Variants in CLSTN2 observed in about 807,000 individuals in gnomAD.
CLSTN2 encodes calsyntenin-2.
Under a neutral mutation model 101.2 loss-of-function variants are expected in CLSTN2, and 48 were observed. The ratio of observed to expected loss-of-function variants is 0.47; its 90% CI spans 0.38 to 0.60. The LOEUF (loss-of-function observed/expected upper bound fraction) is 0.60. Among genes scored for constraint, CLSTN2 ranks in the 20% least tolerant of loss-of-function variants. The probability of loss-of-function intolerance (pLI) is 0.00; values close to 1 mark genes in which losing one functional copy is unlikely to be tolerated. For missense variants in CLSTN2, 1,160 were observed against 1,238.2 expected, an observed-to-expected ratio of 0.94 and a Z score of 0.95; for synonymous variants, 481 against 463.6, an observed-to-expected ratio of 1.04 and a Z score of -0.48.
intron 1 of CLSTN2, among the ~76,000 whole-genome samples, chr3:140,172,285 T>C (rs2010251026): frequency 6.6e-6 from 1 of 152,022 alleles, no homozygotes; most frequent in Non-Finnish European, 1.5e-5. Flanking sequence ...GTAATCAGAT[T>C]AATGTTTTAG....
intron 2 of CLSTN2, among the ~76,000 whole-genome samples, chr3:140,358,531 C>T (rs942041790): frequency 1.3e-5 from 2 of 152,058 alleles, no homozygotes; most frequent in African/African-American, 2.4e-5. Flanking sequence ...ATCAGAAATG[C>T]CTTTCAGCCA....
At chr3:140,020,754 T>G (rs2007297411) in intron 1 of CLSTN2, among the ~76,000 whole-genome samples, 1 of 152,188 alleles carries the variant, frequency 6.6e-6, no homozygotes, top group Non-Finnish European at 1.5e-5. Flanking sequence ...TCTGGGCACA[T>G]TATCTAAATT....
chr3:140,280,847 T>A (rs2086839042), intron 2 of CLSTN2, among the ~76,000 whole-genome samples: 1 of 152,182 alleles, frequency 6.6e-6, no homozygotes, highest in South Asian at 2.1e-4. Flanking sequence ...CCTGGGACTT[T>A]GTAAAATAAG....
intron 1 of CLSTN2, among the ~76,000 whole-genome samples, chr3:139,943,157 T>C (rs1268609246): frequency 6.6e-6 from 1 of 152,088 alleles, no homozygotes; most frequent in African/African-American, 2.4e-5. Flanking sequence ...CATCCATACA[T>C]TCACCCAAGC....
intron 8 of CLSTN2, among the ~76,000 whole-genome samples, chr3:140,512,297 TGTTGA>T (rs1383949754): frequency 1.3e-5 from 2 of 152,148 alleles, no homozygotes; most frequent in African/African-American, 2.4e-5. Flanking sequence ...CTTTAATTCA[TGTTGA>T]GTTAATTTTT....
intron 2 of CLSTN2, among the ~76,000 whole-genome samples, chr3:140,241,888 C>A (rs867051560): frequency 6.7e-6 from 1 of 149,446 alleles, no homozygotes; most frequent in Admixed American, 6.7e-5. Context: ...TATACACACA[C>A]ACACACACAC....
chr3:140,302,358 T>A (rs2087068251), intron 2 of CLSTN2, among the ~76,000 whole-genome samples: 1 of 152,188 alleles, frequency 6.6e-6, no homozygotes, highest in African/African-American at 2.4e-5. Context: ...AAAGTTGGGT[T>A]TATGGACAGA....
At chr3:140,246,751 A>AG (rs1274054087) in intron 2 of CLSTN2, among the ~76,000 whole-genome samples, 4 of 152,134 alleles carry the variant, frequency 2.6e-5, no homozygotes, top group African/African-American at 9.7e-5. Context: ...GTAGGAAGGC[A>AG]GGGGGTGTGT....
intron 8 of CLSTN2, among the ~76,000 whole-genome samples, chr3:140,518,655 T>C (rs1245458835): frequency 6.6e-6 from 1 of 152,212 alleles, no homozygotes; most frequent in African/African-American, 2.4e-5. Flanking sequence ...TCACAGTTTT[T>C]CAGCTGTCTC....
intron 2 of CLSTN2, among the ~76,000 whole-genome samples, chr3:140,225,486 TTTTGTTTG>T (rs60470942): frequency 1.3e-4 from 19 of 150,886 alleles, no homozygotes; most frequent in Non-Finnish European, 2.4e-4. Context: ...GCACTGACAT[TTTTGTTTG>T]TTTGTTTGTT....
intron 8 of CLSTN2, among the ~76,000 whole-genome samples, chr3:140,502,700 G>T (rs349506): frequency 0.071 from 10,853 of 152,226 alleles, 409 homozygotes; most frequent in Non-Finnish European, 0.094. Context: ...AAGCTGATTG[G>T]TCGGGAGAAG....
intron 8 of CLSTN2, among the ~76,000 whole-genome samples, chr3:140,513,575 TTTTC>T (rs1934856294): frequency 1.8e-5 from 2 of 109,718 alleles, no homozygotes; most frequent in South Asian, 2.8e-4. Context: ...CTTTCTTTTT[TTTTC>T]TTTCTTTTTT....
intron 2 of CLSTN2, among the ~76,000 whole-genome samples, chr3:140,372,457 G>A (rs1325183728): frequency 6.6e-6 from 1 of 152,164 alleles, no homozygotes; most frequent in Non-Finnish European, 1.5e-5. Context: ...GACTTGGGAT[G>A]AGCAAAGTAT....
intron 1 of CLSTN2, among the ~76,000 whole-genome samples, chr3:140,086,558 A>G (rs145230620): frequency 1.3e-5 from 2 of 152,332 alleles, no homozygotes; most frequent in Admixed American, 6.5e-5. Flanking sequence ...TGTAATTACA[A>G]ATACATATCC....
chr3:140,286,521 C>T (rs1243025805), intron 2 of CLSTN2, among the ~76,000 whole-genome samples: 1 of 152,154 alleles, frequency 6.6e-6, no homozygotes, highest in Non-Finnish European at 1.5e-5. Flanking sequence ...GGCAGACAGA[C>T]AGTTATATAT....
At position 140,327,860 on chromosome 3, in the gene CLSTN2, T is replaced by C. The variant is rs151292870; in HGVS notation, c.233-75769T>C. Among the ~76,000 whole-genome samples the C allele has an allele frequency of 4.9e-3, 748 of 152,334 alleles. 3 individuals are homozygous for C. Among genetic ancestry groups the C allele is most frequent in the African/African-American group, 0.017 (698 of 41,580 alleles). ...ATAATTTCTAACTAGTTGTCAGATA[T>C]ACTTAGCGATAGGTACATTTGTTTA... On this transcript the variant is annotated intron_variant, in intron 2 of 16. Coordinates refer to ENST00000458420, the MANE Select transcript of CLSTN2 (RefSeq NM_022131.3).
intron 1 of CLSTN2, among the ~76,000 whole-genome samples, chr3:140,140,070 T>G (rs2009673847): frequency 6.6e-6 from 1 of 152,092 alleles, no homozygotes; most frequent in Non-Finnish European, 1.5e-5. Context: ...CAGCCTCAGG[T>G]TTTTTGACTC....
At chr3:140,249,435 C>T (rs1179592679) in intron 2 of CLSTN2, among the ~76,000 whole-genome samples, 1 of 152,114 alleles carries the variant, frequency 6.6e-6, no homozygotes, top group Non-Finnish European at 1.5e-5. Context: ...CTGGAGCTCT[C>T]AGGAGGAAAT....
intron 8 of CLSTN2, among the ~76,000 whole-genome samples, chr3:140,499,987 A>T (rs541840002): frequency 7.9e-5 from 12 of 152,074 alleles, no homozygotes; most frequent in Non-Finnish European, 1.2e-4. Context: ...GAATGGTGTG[A>T]ACCTGGGAGG....
Sources: gnomAD v4.1 joint callset for allele counts (sites outside exome capture counted in the v4.1 genomes callset) on GRCh38, gnomAD v4.1.1 for gene constraint, MANE v1.5 for transcripts, NCBI Gene and HGNC (gene_info 2026-07-23, HGNC 2026-07-21) for gene names.